CD247: variants seen among roughly 807,000 people sequenced by gnomAD.
CD247 encodes the protein T-cell surface glycoprotein CD3 zeta chain.
In CD247, 13 loss-of-function variants were observed where a neutral mutation model predicts 30.0. That is an observed-to-expected ratio of 0.43 (90% CI 0.28 to 0.69). CD247 has a LOEUF of 0.69. Ranked by LOEUF, CD247 falls within the 30% of genes least tolerant of loss-of-function variation. The pLI is 0.16. For synonymous variants in CD247, 72 were observed against 80.0 expected, an observed-to-expected ratio of 0.90 and a Z score of 0.53; for missense variants, 193 against 212.6, an observed-to-expected ratio of 0.91 and a Z score of 0.57.
intron 1 of CD247, among the ~76,000 whole-genome samples, chr1:167,478,192 C>T (rs1319666479): frequency 2.0e-5 from 3 of 152,150 alleles, no homozygotes; most frequent in Non-Finnish European, 2.9e-5. Flanking sequence ...AGTGCAGCTC[C>T]GGCTACACTG....
chr1:167,501,794 T>C (rs544813431), intron 1 of CD247, among the ~76,000 whole-genome samples: 1 of 152,234 alleles, frequency 6.6e-6, no homozygotes, highest in South Asian at 2.1e-4. Context: ...CACCTTTGCC[T>C]CTCCTCTTCT....
chr1:167,490,829 C>G (rs977810182), intron 1 of CD247, among the ~76,000 whole-genome samples: 4 of 151,796 alleles, frequency 2.6e-5, no homozygotes, highest in African/African-American at 9.7e-5. Context: ...GCAGGAGAAT[C>G]GTTTGAACAT....
At chr1:167,434,855 A>C (rs1651452380) in intron 5 of CD247, 1 of 462,388 alleles carries the variant, frequency 2.2e-6, no homozygotes. Flanking sequence ...CAAGAAGGGA[A>C]GGTCTGGACA....
intron 1 of CD247, among the ~76,000 whole-genome samples, chr1:167,471,634 A>G (rs1653525476): frequency 1.3e-5 from 2 of 151,990 alleles, no homozygotes; most frequent in South Asian, 4.1e-4. Flanking sequence ...TGGGGGTCTC[A>G]TTCTGTCTCT....
At position 167,500,628 on chromosome 1, in the gene CD247, T is replaced by C. The variant is rs978076763; in HGVS notation, c.58+17780A>G. On this transcript the variant is annotated intron_variant, in intron 1 of 7. Transcript: ENST00000362089. The stretch of plus-strand genomic sequence containing the variant: ...CCCATTTATGCAGGGCAGAATTATT[T>C]TGAGGACAAATGAGCTACGTATTGT... 3.3e-5 allele frequency among the ~76,000 whole-genome samples: 5 copies of C among 152,334 alleles called. 1 individual carries two copies. In the South Asian group the frequency reaches 8.3e-4, roughly 25 times the overall value.
chr1:167,500,985 GA>G (rs1654874670), intron 1 of CD247, among the ~76,000 whole-genome samples: 1 of 151,808 alleles, frequency 6.6e-6, no homozygotes, highest in Non-Finnish European at 1.5e-5. Flanking sequence ...AACAGAGATG[GA>G]AAACTGGGAG....
At chr1:167,467,315 G>T (rs952164314) in intron 1 of CD247, among the ~76,000 whole-genome samples, 1 of 152,174 alleles carries the variant, frequency 6.6e-6, no homozygotes, top group Non-Finnish European at 1.5e-5. Flanking sequence ...GGCCCTTCAT[G>T]CAAACGCAGA....
intron 1 of CD247, among the ~76,000 whole-genome samples, chr1:167,495,970 T>C (rs1454234433): frequency 2.0e-5 from 3 of 152,218 alleles, no homozygotes; most frequent in Non-Finnish European, 2.9e-5. Context: ...ATCTACATAT[T>C]TTTCAGTTTA....
At chr1:167,495,875 C>T (rs1229536341) in intron 1 of CD247, among the ~76,000 whole-genome samples, 1 of 152,204 alleles carries the variant, frequency 6.6e-6, no homozygotes, top group Admixed American at 6.5e-5. Context: ...CATACCCTAC[C>T]CAAAACTGTA....
At chr1:167,439,227 C>G (rs1029257449) in intron 3 of CD247, 117 bp downstream of exon 3, 13 of 882,486 alleles carry the variant, frequency 1.5e-5, no homozygotes, top group Non-Finnish European at 2.5e-5. Context: ...GCAGCCGGGT[C>G]GCAGAGGTGA....
chr1:167,431,861 C>G, intron 7 of CD247, 115 bp from the exon 8 acceptor site: 2 of 864,474 alleles, frequency 2.3e-6, no homozygotes, highest in South Asian at 1.3e-5. Context: ...ACCCACCCAG[C>G]CTCCAGAGGC....
At chr1:167,465,894 C>G (rs1653224062) in intron 1 of CD247, among the ~76,000 whole-genome samples, 1 of 152,210 alleles carries the variant, frequency 6.6e-6, no homozygotes. Flanking sequence ...TATTAACTCA[C>G]TATCTTTTTC....
intron 1 of CD247, among the ~76,000 whole-genome samples, chr1:167,467,482 G>A (rs1463136886): frequency 1.3e-5 from 2 of 152,130 alleles, no homozygotes; most frequent in Non-Finnish European, 2.9e-5. Context: ...CTGCTTCTTT[G>A]CCTCGGTGAC....
chr1:167,451,795 G>A (rs1200827947), intron 1 of CD247, among the ~76,000 whole-genome samples: 1 of 152,210 alleles, frequency 6.6e-6, no homozygotes, highest in East Asian at 1.9e-4. Flanking sequence ...GATCCAATAT[G>A]ACTCGTGTCC....
At chr1:167,501,363 A>G (rs1435427249) in intron 1 of CD247, among the ~76,000 whole-genome samples, 2 of 152,006 alleles carry the variant, frequency 1.3e-5, no homozygotes, top group Non-Finnish European at 2.9e-5. Flanking sequence ...CCGGCCTCCT[A>G]TTGTTCTTAA....
intron 1 of CD247, among the ~76,000 whole-genome samples, chr1:167,464,984 GCT>G (rs1297517585): frequency 6.6e-6 from 1 of 151,888 alleles, no homozygotes; most frequent in African/African-American, 2.4e-5. Flanking sequence ...TATTATTCCA[GCT>G]CTTTCTTCCC....
At chr1:167,506,173 T>G (rs766949468) in intron 1 of CD247, among the ~76,000 whole-genome samples, 17 of 152,224 alleles carry the variant, frequency 1.1e-4, no homozygotes, top group Non-Finnish European at 2.2e-4. Context: ...ACCAGCCCAG[T>G]CCCACTCTGG....
chr1:167,444,069 T>A (rs1308919129), intron 1 of CD247, among the ~76,000 whole-genome samples: 1 of 152,242 alleles, frequency 6.6e-6, no homozygotes, highest in Non-Finnish European at 1.5e-5. Context: ...ACTAGCTGTG[T>A]GGTTTTGGAC....
At chr1:167,459,448 G>A (rs1427471583) in intron 1 of CD247, among the ~76,000 whole-genome samples, 2 of 149,414 alleles carry the variant, frequency 1.3e-5, no homozygotes, top group Admixed American at 1.3e-4. Flanking sequence ...CACCTCCCGG[G>A]TTCAAGCGAT....
Sources: gnomAD v4.1 joint callset for allele counts (sites outside exome capture counted in the v4.1 genomes callset) on GRCh38, gnomAD v4.1.1 for gene constraint, MANE v1.5 for transcripts, NCBI Gene and HGNC (gene_info 2026-07-23, HGNC 2026-07-21) for gene names.